Variants in MALRD1 observed in about 807,000 individuals in gnomAD.
MALRD1 encodes the protein MAM and LDL-receptor class A domain-containing protein 1.
In MALRD1, 247 loss-of-function variants were observed where a neutral mutation model predicts 242.1. The observed-to-expected ratio is 1.02, with a 90% CI of 0.92 to 1.13. The LOEUF is 1.13. MALRD1 is among the 50% of genes most tolerant of loss of function. MALRD1 has a pLI of 0.00. For missense variants in MALRD1, 2,989 were observed against 2,533.1 expected (o/e 1.18, Z -3.86); for synonymous variants, 995 against 866.6 (o/e 1.15, Z -2.60).
chr10:19,272,995 T>A (rs1410772394), intron 19 of MALRD1, among the ~76,000 whole-genome samples: 1 of 152,172 alleles, frequency 6.6e-6, no homozygotes, highest in East Asian at 1.9e-4. Flanking sequence ...TAAACATATG[T>A]GTGCATGTAT....
intron 13 of MALRD1, among the ~76,000 whole-genome samples, chr10:19,172,918 C>G (rs1204556588): frequency 2.0e-5 from 3 of 151,992 alleles, no homozygotes; most frequent in Non-Finnish European, 4.4e-5. Context: ...GATCCTTCTT[C>G]AAAACCTATG....
chr10:19,052,037 T>G (rs1227647650), intron 1 of MALRD1: 5 of 373,774 alleles, frequency 1.3e-5, no homozygotes, highest in African/African-American at 2.2e-5. Context: ...TAAGAAAAAT[T>G]AATATGAATG....
At position 19,443,012 on chromosome 10, in the gene MALRD1, A is replaced by G. The variant is rs545906256; in HGVS notation, c.4846-7295A>G. On this transcript the variant is annotated intron_variant, in intron 28 of 39. Transcript: ENST00000454679. Reference sequence around the variant, plus strand: ...CAATTTCAGAGCCTGATATTGACCTATTCAGGGATTCAACTTCTTCCTGGT... The same window carrying G: ...CAATTTCAGAGCCTGATATTGACCTGTTCAGGGATTCAACTTCTTCCTGGT... 3.9e-5 allele frequency among the ~76,000 whole-genome samples: 6 copies of G among 152,264 alleles called. No homozygotes were observed. The East Asian group carries it at 1.2e-3, about 29-fold the overall frequency.
chr10:19,503,115 G>T (rs1183427358), intron 31 of MALRD1, among the ~76,000 whole-genome samples: 1 of 152,128 alleles, frequency 6.6e-6, no homozygotes, highest in African/African-American at 2.4e-5. Flanking sequence ...CACTACTTGA[G>T]ACAGTATATT....
intron 36 of MALRD1, among the ~76,000 whole-genome samples, chr10:19,631,297 A>G (rs1208024730): frequency 6.6e-6 from 1 of 152,176 alleles, no homozygotes; most frequent in African/African-American, 2.4e-5. Context: ...CTCCAGCTCC[A>G]TCCATGTTCT....
At chr10:19,060,502 C>A (rs180971721) in intron 1 of MALRD1, among the ~76,000 whole-genome samples, 1 of 152,190 alleles carries the variant, frequency 6.6e-6, no homozygotes, top group African/African-American at 2.4e-5. Context: ...TTCCTGCCCT[C>A]TTCTCAGACC....
intron 28 of MALRD1, among the ~76,000 whole-genome samples, chr10:19,441,078 A>G (rs1264500350): frequency 1.3e-5 from 2 of 152,012 alleles, no homozygotes; most frequent in African/African-American, 4.8e-5. Context: ...TTTGATTTGC[A>G]TTTCTCTGAT....
At chr10:19,714,994 C>G (rs1242653408) in intron 38 of MALRD1, among the ~76,000 whole-genome samples, 1 of 152,180 alleles carries the variant, frequency 6.6e-6, no homozygotes, top group East Asian at 1.9e-4. Context: ...GAGTTACATA[C>G]TGTTAACATT....
intron 12 of MALRD1, among the ~76,000 whole-genome samples, chr10:19,165,390 C>A (rs1834645797): frequency 6.6e-6 from 1 of 151,244 alleles, no homozygotes; most frequent in Admixed American, 6.6e-5. Context: ...AACCTCCCCG[C>A]CTTCTGGGTT....
At chr10:19,136,825 G>A in intron 10 of MALRD1, 44 bp downstream of exon 10, 1 of 1,179,368 alleles carries the variant, frequency 8.5e-7, no homozygotes, top group Non-Finnish European at 1.1e-6. Flanking sequence ...TCTAATTCAA[G>A]ACTGTTAGTT....
intron 33 of MALRD1, among the ~76,000 whole-genome samples, chr10:19,585,956 C>A (rs1314296815): frequency 6.6e-6 from 1 of 152,118 alleles, no homozygotes; most frequent in Non-Finnish European, 1.5e-5. Context: ...AACTTCCCTT[C>A]TCGCTTCATT....
chr10:19,244,531 C>G (rs938616935), intron 18 of MALRD1, among the ~76,000 whole-genome samples: 2 of 151,768 alleles, frequency 1.3e-5, no homozygotes, highest in African/African-American at 4.8e-5. Context: ...ACGCCCTGCT[C>G]TTCAGCCTGG....
chr10:19,300,735 T>C (rs1841914592), intron 21 of MALRD1, among the ~76,000 whole-genome samples: 1 of 151,984 alleles, frequency 6.6e-6, no homozygotes, highest in South Asian at 2.1e-4. Flanking sequence ...CACTTAAATG[T>C]AAAACCTAAA....
Position 19,692,559 on chromosome 10 carries a change from G to A in MALRD1, c.6314+5G>A, listed in dbSNP as rs557945303. On this transcript the variant is annotated splice_donor_5th_base_variant and intron_variant, in intron 38 of 39. Transcript: ENST00000454679. ...AAACAGAAAGGTACCAATAAGGTAA[G>A]TGATGCCTTTAGTTGCTAAATGAAA... 1.3e-6 allele frequency: 2 copies of A among 1,529,390 alleles called. No individual in the cohort carries two copies. Among genetic ancestry groups the A allele is most frequent in the South Asian group, 2.4e-5 (2 of 83,436 alleles). The allele number at this position is 1,529,390 out of a possible 1,614,324, so 94.7% of individuals were successfully genotyped here.
chr10:19,478,724 A>G (rs1426335282), intron 29 of MALRD1, among the ~76,000 whole-genome samples: 1 of 152,120 alleles, frequency 6.6e-6, no homozygotes, highest in Non-Finnish European at 1.5e-5. Flanking sequence ...ATCACGTACC[A>G]TGGGCCTCCT....
At chr10:19,371,105 A>AG (rs1371107362) in intron 26 of MALRD1, among the ~76,000 whole-genome samples, 60 of 150,086 alleles carry the variant, frequency 4.0e-4, no homozygotes, top group African/African-American at 1.4e-3. Context: ...AAAAAAAAAA[A>AG]AAAAAGAAAA....
chr10:19,645,554 A>C (rs1448567083), intron 36 of MALRD1, among the ~76,000 whole-genome samples: 5 of 152,206 alleles, frequency 3.3e-5, no homozygotes, highest in Non-Finnish European at 5.9e-5. Context: ...AGCCATAAAA[A>C]ATGATGAGTT....
At chr10:19,719,873 G>A (rs1037093779) in intron 38 of MALRD1, among the ~76,000 whole-genome samples, 4 of 151,414 alleles carry the variant, frequency 2.6e-5, no homozygotes, top group Non-Finnish European at 5.9e-5. Flanking sequence ...GACAGGAATA[G>A]AGACCATTAG....
Position 19,650,221 on chromosome 10 carries a change from C to G in MALRD1, c.6137+34298C>G, listed in dbSNP as rs546737964. Among the ~76,000 whole-genome samples, 215 of 152,230 alleles carry G rather than the reference C, an allele frequency of 1.4e-3. 1 individual carries two copies. The highest frequency in any genetic ancestry group is 7.1e-4 in the Non-Finnish European group (48 of 68,018). The stretch of plus-strand genomic sequence containing the variant: ...GCTTTGAAGACAGAAATTATCCTAT[C>G]TGAAAAAGTCTACAGTGATGAAGCA... On this transcript the variant is annotated intron_variant, in intron 36 of 39. Coordinates refer to ENST00000454679, the MANE Select transcript of MALRD1 (RefSeq NM_001142308.3).
Sources: gnomAD v4.1 joint callset for allele counts (sites outside exome capture counted in the v4.1 genomes callset) on GRCh38, gnomAD v4.1.1 for gene constraint, MANE v1.5 for transcripts, NCBI Gene and HGNC (gene_info 2026-07-23, HGNC 2026-07-21) for gene names.